NEGR1: variants seen among roughly 807,000 people sequenced by gnomAD.
The protein encoded by NEGR1 is IgLON family member 4.
A neutral mutation model predicts 40.9 loss-of-function variants in NEGR1; 10 were observed. That is an observed-to-expected ratio of 0.24 (90% CI 0.15 to 0.42). The LOEUF is 0.42. Among genes scored for constraint, NEGR1 ranks in the 10% least tolerant of loss-of-function variants. The probability of loss-of-function intolerance (pLI) is 1.00; values close to 1 mark genes in which losing one functional copy is unlikely to be tolerated. For missense variants in NEGR1, 352 were observed against 438.9 expected (o/e 0.80, Z 1.77); for synonymous variants, 185 against 166.8 (o/e 1.11, Z -0.84).
At chr1:72,117,570 A>G (rs1484007810) in intron 1 of NEGR1, among the ~76,000 whole-genome samples, 2 of 151,796 alleles carry the variant, frequency 1.3e-5, no homozygotes, top group Non-Finnish European at 1.5e-5. Flanking sequence ...GTGCCTGGAC[A>G]AATATGCTAC....
intron 1 of NEGR1, among the ~76,000 whole-genome samples, chr1:72,243,235 G>GA (rs1400165756): frequency 6.6e-6 from 1 of 151,632 alleles, no homozygotes; most frequent in Non-Finnish European, 1.5e-5. Flanking sequence ...TAAAATCACT[G>GA]AATGTGTTCA....
intron 1 of NEGR1, among the ~76,000 whole-genome samples, chr1:71,996,785 T>A (rs1220379512): frequency 6.6e-6 from 1 of 152,112 alleles, no homozygotes; most frequent in Non-Finnish European, 1.5e-5. Flanking sequence ...ACTTTCTTTG[T>A]CGTACACACC....
chr1:71,591,161 G>T (rs552395963), intron 6 of NEGR1, among the ~76,000 whole-genome samples: 21 of 152,170 alleles, frequency 1.4e-4, no homozygotes, highest in African/African-American at 4.6e-4. Context: ...TTTCACATTT[G>T]CCTTTATTAA....
chr1:72,280,845 T>G (rs963576556), intron 1 of NEGR1, among the ~76,000 whole-genome samples: 4 of 152,126 alleles, frequency 2.6e-5, no homozygotes, highest in Admixed American at 2.0e-4. Flanking sequence ...AGACATGTCA[T>G]GTACACTGAT....
chr1:71,588,983 T>C (rs2101516040), intron 6 of NEGR1, among the ~76,000 whole-genome samples: 1 of 152,280 alleles, frequency 6.6e-6, no homozygotes, highest in African/African-American at 2.4e-5. Context: ...CTTCTTTTCA[T>C]AGCCTAACCT....
intron 1 of NEGR1, among the ~76,000 whole-genome samples, chr1:72,035,638 C>T (rs191939857): frequency 6.6e-6 from 1 of 151,960 alleles, no homozygotes; most frequent in Non-Finnish European, 1.5e-5. Flanking sequence ...TCAGTGGTAC[C>T]TTTGGGTGAA....
At chr1:71,407,686 G>A (rs1646287242) in intron 6 of NEGR1, 116 bp from the exon 7 acceptor site, 2 of 914,798 alleles carry the variant, frequency 2.2e-6, no homozygotes, top group African/African-American at 3.3e-5. Context: ...GAGTCAGACA[G>A]ACTGAAGTTC....
At chr1:72,255,560 T>TC (rs1655242988) in intron 1 of NEGR1, among the ~76,000 whole-genome samples, 1 of 150,540 alleles carries the variant, frequency 6.6e-6, no homozygotes, top group Non-Finnish European at 1.5e-5. Context: ...TTTTTTTTTT[T>TC]TTTTTTGAGA....
At chr1:72,224,044 A>G (rs1654097458) in intron 1 of NEGR1, among the ~76,000 whole-genome samples, 1 of 152,164 alleles carries the variant, frequency 6.6e-6, no homozygotes, top group African/African-American at 2.4e-5. Flanking sequence ...CATTATGCTG[A>G]TAAGTGACAA....
At chr1:72,153,999 G>A (rs1011846857) in intron 1 of NEGR1, among the ~76,000 whole-genome samples, 4 of 151,726 alleles carry the variant, frequency 2.6e-5, no homozygotes, top group African/African-American at 4.8e-5. Context: ...TGAAGTATAT[G>A]TCATCTTATA....
chr1:71,744,284 C>CATATATATATATATATATATAT lies in NEGR1; in HGVS notation c.535+31887_535+31888insATATATATATATATATATATAT, dbSNP rs147978120. Among the ~76,000 whole-genome samples, 446 of 137,046 alleles carry CATATATATATATATATATATAT rather than the reference C, an allele frequency of 3.3e-3. 2 individuals carry two copies. The highest frequency in any genetic ancestry group is 0.011 in the African/African-American group (390 of 36,162). The allele number at this position is 137,046 out of a possible 152,430, so 89.9% of individuals were successfully genotyped here. On this transcript the variant is annotated intron_variant, in intron 3 of 6. Transcript: ENST00000357731. ...ATAATAATATGTTTATGACAAATAACATATATATATATATATATAAAGTGC... is the reference window on the plus strand; with the variant it reads ...ATAATAATATGTTTATGACAAATAACATATATATATATATATATATATATATATATATATATATATAAAGTGC...
intron 1 of NEGR1, among the ~76,000 whole-genome samples, chr1:72,088,796 C>CTTTTTTTTTTTTTTTTTTTT (rs71074816): frequency 6.0e-4 from 45 of 74,918 alleles, no homozygotes; most frequent in Non-Finnish European, 9.4e-4. Flanking sequence ...CTCTCTCTCT[C>CTTTTTTTTTTTTTTTTTTTT]TTTTTTTTTT....
At chr1:71,781,066 T>C (rs1286582121) in intron 2 of NEGR1, among the ~76,000 whole-genome samples, 2 of 152,346 alleles carry the variant, frequency 1.3e-5, no homozygotes, top group East Asian at 3.9e-4. Context: ...AATGTGTACA[T>C]ATTTTCTGAT....
intron 1 of NEGR1, among the ~76,000 whole-genome samples, chr1:72,261,817 A>G (rs908334285): frequency 2.0e-5 from 3 of 152,102 alleles, no homozygotes; most frequent in African/African-American, 7.2e-5. Context: ...AACAATGTGT[A>G]ACATGAACAT....
rs149711700 is a variant in NEGR1, at chr1:72,032,352, C to T, written c.177-97041G>A. 8.5e-5 allele frequency among the ~76,000 whole-genome samples: 13 copies of T among 152,194 alleles called. No individual in the cohort carries two copies. The East Asian group carries it at 1.9e-3, about 23-fold the overall frequency. ...AGAACGTAGTGCACAGAATAATGGGCAGAGTAGGAAGGTAATAGGAACACC... is the reference window on the plus strand; with the variant it reads ...AGAACGTAGTGCACAGAATAATGGGTAGAGTAGGAAGGTAATAGGAACACC... On this transcript the variant is annotated intron_variant, in intron 1 of 6. Coordinates refer to ENST00000357731, the MANE Select transcript of NEGR1 (RefSeq NM_173808.3).
At chr1:71,783,804 A>G (rs945019827) in intron 2 of NEGR1, among the ~76,000 whole-genome samples, 1 of 151,714 alleles carries the variant, frequency 6.6e-6, no homozygotes, top group Admixed American at 6.6e-5. Context: ...ATCTGGCAAA[A>G]TAGGCAGTGA....
intron 1 of NEGR1, among the ~76,000 whole-genome samples, chr1:72,060,977 T>A (rs1453199840): frequency 6.6e-6 from 1 of 151,640 alleles, no homozygotes; most frequent in African/African-American, 2.4e-5. Flanking sequence ...ACTCCAAAAC[T>A]GTATTTTTTG....
intron 6 of NEGR1, among the ~76,000 whole-genome samples, chr1:71,565,322 G>C (rs917859300): frequency 6.6e-5 from 10 of 152,152 alleles, no homozygotes; most frequent in African/African-American, 2.4e-4. Flanking sequence ...GCTGGAGTTT[G>C]TGTGCTTGGG....
chr1:71,933,208 G>C (rs1164331489), intron 2 of NEGR1, among the ~76,000 whole-genome samples: 1 of 151,934 alleles, frequency 6.6e-6, no homozygotes, highest in Admixed American at 6.6e-5. Context: ...ACATGTAGCA[G>C]TTTTAAAAAC....
Sources: gnomAD v4.1 joint callset for allele counts (sites outside exome capture counted in the v4.1 genomes callset) on GRCh38, gnomAD v4.1.1 for gene constraint, MANE v1.5 for transcripts, NCBI Gene and HGNC (gene_info 2026-07-23, HGNC 2026-07-21) for gene names.